CDH20: variants seen among roughly 807,000 people sequenced by gnomAD.
CDH20 encodes cadherin 20, also known as cadherin-20.
CDH20 carries 29 observed loss-of-function variants against 74.2 expected under a neutral mutation model. The observed-to-expected ratio is 0.39, with a 90% confidence interval of 0.29 to 0.53. CDH20 has a LOEUF of 0.53. CDH20 is among the 20% of genes least tolerant of loss of function. CDH20 has a pLI of 0.69. For missense variants in CDH20, 988 were observed against 1,048.3 expected (o/e 0.94, Z 0.79); for synonymous variants, 469 against 405.4 (o/e 1.16, Z -1.88).
rs537252852 is a variant in CDH20 at position 61,353,512 on chromosome 18, G to A, written c.-153+19685G>A. On this transcript the variant is annotated intron_variant, in intron 1 of 11. Coordinates refer to ENST00000262717, the MANE Select transcript of CDH20 (RefSeq NM_031891.4). This position sits in a 1 kb window ranked among gnomAD's most constrained non-coding sequence, Gnocchi z 4.6. ...GGTCCTCTTGTTTTTTCTAGAAGATGATCTGTAATTGTATAGACACAGCTT... is the reference window on the plus strand; with the variant it reads ...GGTCCTCTTGTTTTTTCTAGAAGATAATCTGTAATTGTATAGACACAGCTT... Among the ~76,000 whole-genome samples the A allele has an allele frequency of 1.4e-4, 22 of 152,174 alleles. No individual in the cohort carries two copies. The highest frequency in any genetic ancestry group is 2.8e-4 in the Non-Finnish European group (19 of 68,042).
intron 6 of CDH20, among the ~76,000 whole-genome samples, chr18:61,520,270 C>T (rs867524490): frequency 1.4e-5 from 2 of 140,782 alleles, no homozygotes; most frequent in Non-Finnish European, 3.0e-5. Flanking sequence ...GAGCCTAGAT[C>T]GTGCCACTGC....
intron 1 of CDH20, among the ~76,000 whole-genome samples, chr18:61,340,292 A>AGTACATAGTG (rs1909905846): frequency 7.4e-6 from 1 of 134,466 alleles, no homozygotes; most frequent in Non-Finnish European, 1.5e-5. Context: ...CCCAGAGAAC[A>AGTACATAGTG]GTACATAGTG....
intron 8 of CDH20, among the ~76,000 whole-genome samples, chr18:61,538,608 G>GTTGTTTT (rs1912904022): frequency 1.1e-4 from 4 of 36,316 alleles, no homozygotes; most frequent in Admixed American, 4.8e-4. Context: ...TTTTGTTTTT[G>GTTGTTTT]TTTTTGTTTT....
At chr18:61,373,957 C>T (rs927579062) in intron 1 of CDH20, among the ~76,000 whole-genome samples, 4 of 152,140 alleles carry the variant, frequency 2.6e-5, no homozygotes, top group African/African-American at 9.7e-5. Flanking sequence ...ACAGTTTTCC[C>T]AAAGTCTGAA....
chr18:61,520,598 C>A (rs663602), intron 6 of CDH20, among the ~76,000 whole-genome samples: 143,811 of 150,744 alleles, frequency 0.95, 68,755 homozygotes, highest in East Asian at 0.99. Flanking sequence ...CCTAATAGAC[C>A]TCTACAGAAC....
Position 61,555,516 on chromosome 18 carries a change from C to T in CDH20, c.*821C>T. On this transcript the variant is annotated 3_prime_UTR_variant, in exon 12 of 12. Coordinates refer to ENST00000262717, the MANE Select transcript of CDH20 (RefSeq NM_031891.4). ...TGCCAAATGTGGAGATTAGATGCTA[C>T]AAATGAAAGCCAAATAAAAAAGAAG... 1.0e-6 allele frequency: 1 copy of T among 985,328 alleles called. No homozygotes were observed. The highest frequency in any genetic ancestry group is 4.7e-5 in the South Asian group (1 of 21,284). The allele number at this position is 985,328 out of a possible 1,614,324, so 61.0% of individuals were successfully genotyped here. A position where few individuals can be genotyped will look rare whatever the true frequency, so the allele number is the denominator to read the frequency against.
intron 1 of CDH20, among the ~76,000 whole-genome samples, chr18:61,463,076 G>A (rs1461368059): frequency 6.6e-6 from 1 of 152,026 alleles, no homozygotes; most frequent in Non-Finnish European, 1.5e-5. Context: ...TTTCTTACCC[G>A]ACTTAATTGT....
At chr18:61,369,259 T>C (rs1910955444) in intron 1 of CDH20, among the ~76,000 whole-genome samples, 3 of 152,112 alleles carry the variant, frequency 2.0e-5, no homozygotes, top group South Asian at 4.1e-4. Context: ...AGGGGTGGAA[T>C]TGGAATATAA....
intron 1 of CDH20, among the ~76,000 whole-genome samples, chr18:61,423,217 T>A (rs998289561): frequency 1.3e-5 from 2 of 152,204 alleles, no homozygotes; most frequent in African/African-American, 4.8e-5. Flanking sequence ...TGCAGAAGGA[T>A]GAGGTATACA....
intron 1 of CDH20, among the ~76,000 whole-genome samples, chr18:61,470,518 C>T (rs1001167777): frequency 2.8e-4 from 43 of 152,166 alleles, no homozygotes; most frequent in African/African-American, 1.0e-3. Flanking sequence ...CTGCTTTTCA[C>T]CAAGTGTATT....
chr18:61,432,577 C>T (rs1359111348), intron 1 of CDH20, among the ~76,000 whole-genome samples: 2 of 152,178 alleles, frequency 1.3e-5, no homozygotes, highest in African/African-American at 4.8e-5. Flanking sequence ...GTACTCTAAA[C>T]GTATAGAGGT....
chr18:61,490,790 T>C lies in CDH20; in HGVS notation c.237T>C (p.Tyr79=), dbSNP rs777015854. 2 of 1,614,044 alleles carry C rather than the reference T, an allele frequency of 1.2e-6. No homozygotes were observed. The highest frequency in any genetic ancestry group is 1.3e-5 in the African/African-American group (1 of 75,048). ...AGTACACTGGGACCGACCCTTTGTA[T>C]GTCGGCAAGGTAAGAAATGCCAAGT... ...LEEYTGTDPL[Y]VGKLHSDMDR... is the part of the protein sequence containing the mutation. Residue 79 remains tyrosine, a synonymous_variant, in exon 2 of 12, where the codon TAT becomes TAC. Transcript: ENST00000262717.
At chr18:61,497,377 C>T (rs1811737933) in intron 2 of CDH20, among the ~76,000 whole-genome samples, 1 of 152,292 alleles carries the variant, frequency 6.6e-6, no homozygotes, top group Admixed American at 6.5e-5. Context: ...GTTGTGGATG[C>T]ATTTGCAGGT....
intron 5 of CDH20, among the ~76,000 whole-genome samples, chr18:61,506,707 C>T (rs1236022526): frequency 6.6e-6 from 1 of 152,190 alleles, no homozygotes; most frequent in Non-Finnish European, 1.5e-5. Flanking sequence ...GAGCTTCTTA[C>T]ATATGTGAGA....
intron 1 of CDH20, among the ~76,000 whole-genome samples, chr18:61,389,654 T>G (rs1047378659): frequency 1.3e-5 from 2 of 152,236 alleles, no homozygotes; most frequent in African/African-American, 4.8e-5. Context: ...ATCCCCATTC[T>G]TGCTGAAATG....
At chr18:61,376,284 T>C (rs918875741) in intron 1 of CDH20, among the ~76,000 whole-genome samples, 2 of 152,172 alleles carry the variant, frequency 1.3e-5, no homozygotes, top group African/African-American at 4.8e-5. Flanking sequence ...ATTAGGGTTA[T>C]ATATTTTTGT....
chr18:61,339,067 C>A (rs2144085239), intron 1 of CDH20, among the ~76,000 whole-genome samples: 1 of 152,190 alleles, frequency 6.6e-6, no homozygotes, highest in Middle Eastern at 3.4e-3. Flanking sequence ...TTTCAATTGA[C>A]AAGACTTGCC....
chr18:61,347,849 T>C (rs140768535), intron 1 of CDH20, among the ~76,000 whole-genome samples: 1,577 of 152,228 alleles, frequency 0.01, 29 homozygotes, highest in African/African-American at 0.035. Flanking sequence ...AAACAATACT[T>C]TTTTTTCAGA....
In CDH20 at chr18:61,554,599, G is replaced by C. The variant is rs369949747; in HGVS notation, c.2310G>C (p.Ser770=). 6.2e-7 allele frequency: 1 copy of C among 1,608,702 alleles called. No homozygotes were observed. The highest frequency in any genetic ancestry group is 8.5e-7 in the Non-Finnish European group (1 of 1,178,258). Residue 770 remains serine, a synonymous_variant, in exon 12 of 12, where the codon TCG becomes TCC. Transcript: ENST00000262717. ...LSSLQSATSD[S]EQSFDFLTDW... is the part of the protein sequence containing the mutation. ...CCCTGCAGTCGGCCACGTCGGACTC[G>C]GAACAGAGCTTCGACTTCCTGACGG...
Sources: allele counts gnomAD v4.1 joint callset (sites outside exome capture counted in the v4.1 genomes callset), GRCh38; gene constraint gnomAD v4.1.1; non-coding constraint Gnocchi (gnomAD v3.1); transcripts MANE v1.5; gene names NCBI Gene and HGNC (gene_info 2026-07-23, HGNC 2026-07-21).